The following SP140 variants were observed in gnomAD, a reference collection of about 807,000 sequenced individuals.
The protein encoded by SP140 is nuclear body protein SP140.
A neutral mutation model predicts 125.0 loss-of-function variants in SP140; 81 were observed. The observed-to-expected ratio is 0.65, with a 90% CI of 0.54 to 0.78. The LOEUF (loss-of-function observed/expected upper bound fraction) is 0.78, where lower values mean the gene tolerates loss of function less well. Ranked by LOEUF, SP140 falls within the 30% of genes least tolerant of loss-of-function variation. The probability of loss-of-function intolerance (pLI) is 0.00; values close to 1 mark genes in which losing one functional copy is unlikely to be tolerated. For missense variants in SP140, 858 were observed against 1,037.0 expected (o/e 0.83, Z 2.37); for synonymous variants, 312 against 354.0 (o/e 0.88, Z 1.33).
At chr2:230,313,999 C>G (rs980935466), downstream of SP140, among the ~76,000 whole-genome samples, 1 of 152,044 alleles carries the variant, frequency 6.6e-6, no homozygotes, top group African/African-American at 2.4e-5. Flanking sequence ...GAGAAGAGAC[C>G]CTCATACACC....
chr2:230,241,965 G>T (rs73998779), intron 4 of SP140, among the ~76,000 whole-genome samples: 35 of 152,290 alleles, frequency 2.3e-4, no homozygotes, highest in African/African-American at 8.2e-4. Flanking sequence ...TCCAAGAGGG[G>T]AGTTTGGATA....
Position 230,241,405 on chromosome 2 carries a change from A to G in SP140, c.408A>G (p.Val136=). The change falls in exon 4 of 27, where the codon GTA becomes GTG. Residue 136 remains valine (V), a splice_region_variant and synonymous_variant. Coordinates refer to ENST00000392045, the MANE Select transcript of SP140 (RefSeq NM_007237.5). Reference sequence around the variant, plus strand: ...TAATTTTCACATTGTTTTCCTCAGTATGCTATGAACACTCACCTCTCCAAA... The same window carrying G: ...TAATTTTCACATTGTTTTCCTCAGTGTGCTATGAACACTCACCTCTCCAAA... The part of the protein sequence containing the change: ...LNEIYRSFQN[V]CYEHSPLQMN... The G allele has an allele frequency of 6.3e-7, 1 of 1,578,282 alleles. No homozygotes were observed. Among genetic ancestry groups the G allele is most frequent in the Non-Finnish European group, 8.7e-7 (1 of 1,147,482 alleles).
At chr2:230,222,125 G>C (rs565304458), upstream of SP140, among the ~76,000 whole-genome samples, 1 of 152,196 alleles carries the variant, frequency 6.6e-6, no homozygotes, top group South Asian at 2.1e-4. Flanking sequence ...AGCTACTCGG[G>C]AGGCTGAGGC....
intron 3 of SP140, among the ~76,000 whole-genome samples, chr2:230,239,403 TA>T (rs1472948026): frequency 2.6e-5 from 4 of 152,226 alleles, no homozygotes; most frequent in South Asian, 2.1e-4. Flanking sequence ...AAATAGTTGT[TA>T]AATTGTATTT....
chr2:230,227,931 A>AT (rs1482248553), intron 1 of SP140, among the ~76,000 whole-genome samples: 9 of 151,340 alleles, frequency 5.9e-5, no homozygotes, highest in Non-Finnish European at 1.0e-4. Context: ...TTTAATTTTA[A>AT]TTTTTTTTCC....
chr2:230,196,210 C>G, the SP140 span, among the ~76,000 whole-genome samples: 3 of 152,048 alleles, frequency 2.0e-5, no homozygotes, highest in African/African-American at 7.2e-5. Context: ...GTTTAAGAAT[C>G]AATTCTAAGG....
At chr2:230,297,298 C>T in intron 21 of SP140, 123 bp from the exon 22 acceptor site, 1 of 1,204,930 alleles carries the variant, frequency 8.3e-7, no homozygotes, top group South Asian at 1.5e-5. Context: ...CTTCTCTCTT[C>T]CCAATTATTT....
chr2:230,189,832 T>C, the SP140 span, among the ~76,000 whole-genome samples: 194 of 152,332 alleles, frequency 1.3e-3, 2 homozygotes, highest in Admixed American at 0.012. Flanking sequence ...CTGAGGATGA[T>C]GGGTTCCAGC....
downstream of SP140, among the ~76,000 whole-genome samples, chr2:230,314,635 A>G (rs1157309442): frequency 4.6e-5 from 7 of 152,234 alleles, no homozygotes; most frequent in Non-Finnish European, 7.3e-5. Flanking sequence ...CTACTGTGGC[A>G]GAGTCTGGAA....
intron 1 of SP140, chr2:230,207,870 C>T (rs781368568): frequency 2.9e-6 from 2 of 682,304 alleles, no homozygotes; most frequent in Non-Finnish European, 5.3e-6. Context: ...ACTTCACTGA[C>T]TAAATCTCTT....
At chr2:230,215,128 T>A in intron 3 of SP140, 1 of 1,609,284 alleles carries the variant, frequency 6.2e-7, no homozygotes, top group South Asian at 1.1e-5. Context: ...CCTATAAAAA[T>A]GGAGTGAAGG....
intron 12 of SP140, among the ~76,000 whole-genome samples, chr2:230,264,044 T>C (rs2052686821): frequency 6.6e-6 from 1 of 152,188 alleles, no homozygotes; most frequent in Admixed American, 6.5e-5. Flanking sequence ...AAGTTTTCTT[T>C]GATTATTCCC....
intron 1 of SP140, among the ~76,000 whole-genome samples, chr2:230,210,687 T>C: frequency 6.6e-6 from 1 of 152,240 alleles, no homozygotes. Flanking sequence ...GACAGAGAAC[T>C]TGAAGCCATA....
intron 22 of SP140, among the ~76,000 whole-genome samples, chr2:230,307,186 A>G (rs952858772): frequency 6.6e-6 from 1 of 152,152 alleles, no homozygotes; most frequent in Non-Finnish European, 1.5e-5. Context: ...ACTCGTCAGG[A>G]CACATTGGCT....
At chr2:230,204,466 A>G (rs1348163574) in intron 1 of SP140, among the ~76,000 whole-genome samples, 1 of 151,838 alleles carries the variant, frequency 6.6e-6, no homozygotes, top group South Asian at 2.1e-4. Context: ...TTTCCCTCCA[A>G]TAACCTTTAG....
intron 4 of SP140, 42 bp downstream of exon 4, chr2:230,241,529 G>C (rs2288328): frequency 0.34 from 413,756 of 1,232,112 alleles, 70,365 homozygotes; most frequent in South Asian, 0.38. Context: ...TTAAAGTTTT[G>C]CTTCCTTGCC....
At chr2:230,239,128 T>C (rs2048368979) in intron 3 of SP140, 1 of 1,037,034 alleles carries the variant, frequency 9.6e-7, no homozygotes. Flanking sequence ...GTGAATACTA[T>C]ACCTTGATTC....
intron 8 of SP140, 140 bp from the exon 9 acceptor site, chr2:230,248,745 A>T: frequency 1.5e-6 from 1 of 648,102 alleles, no homozygotes; most frequent in Non-Finnish European, 2.7e-6. Flanking sequence ...AAGGAGAAAG[A>T]GGAGCTGCAA....
chr2:230,250,444 T>A (rs1337481242), intron 9 of SP140, among the ~76,000 whole-genome samples: 1 of 152,194 alleles, frequency 6.6e-6, no homozygotes, highest in Non-Finnish European at 1.5e-5. Context: ...TGAGCCACAT[T>A]TCCCCTGTAC....
Sources: gnomAD v4.1 joint callset for allele counts (sites outside exome capture counted in the v4.1 genomes callset) on GRCh38, gnomAD v4.1.1 for gene constraint, MANE v1.5 for transcripts, NCBI Gene and HGNC (gene_info 2026-07-23, HGNC 2026-07-21) for gene names.